The following GPC6 variants were observed in gnomAD, a reference collection of about 807,000 sequenced individuals.
GPC6 encodes the protein glypican 6, also known as glypican-6.
Under a neutral mutation model 55.2 loss-of-function variants are expected in GPC6, and 14 were observed. That is an observed-to-expected ratio of 0.25 (90% confidence interval 0.17 to 0.40). The LOEUF (loss-of-function observed/expected upper bound fraction) is 0.40, where lower values mean the gene tolerates loss of function less well. GPC6 is among the 10% of genes least tolerant of loss of function. The pLI is 1.00. For missense variants in GPC6, 641 were observed against 708.5 expected, an observed-to-expected ratio of 0.90 and a Z score of 1.08; for synonymous variants, 278 against 259.6, an observed-to-expected ratio of 1.07 and a Z score of -0.68.
Position 93,376,610 on chromosome 13 carries a change from C to T in GPC6, c.160+148994C>T, listed in dbSNP as rs994151103. On this transcript the variant is annotated intron_variant, in intron 1 of 8. Transcript: ENST00000377047. ...ACAGACAAGGCTTGAAAGAACAGAA[C>T]ACCCGACATGATTGTAAATGTTGGG... 2.0e-5 allele frequency among the ~76,000 whole-genome samples: 3 copies of T among 152,160 alleles called. No homozygotes were observed. In the South Asian group the frequency reaches 6.2e-4, roughly 32 times the overall value.
intron 4 of GPC6, among the ~76,000 whole-genome samples, chr13:94,091,116 A>C (rs1452891252): frequency 1.3e-5 from 2 of 152,160 alleles, no homozygotes; most frequent in East Asian, 3.9e-4. Flanking sequence ...AATGCTATGA[A>C]ATACTGAACA....
intron 3 of GPC6, among the ~76,000 whole-genome samples, chr13:94,012,981 T>TTTACA (rs1441964197): frequency 1.3e-5 from 2 of 152,186 alleles, no homozygotes; most frequent in Admixed American, 6.5e-5. Context: ...GGGATCTTGT[T>TTTACA]TTACATTCTG....
intron 2 of GPC6, among the ~76,000 whole-genome samples, chr13:93,754,082 A>G (rs1273097285): frequency 6.6e-6 from 1 of 152,158 alleles, no homozygotes; most frequent in African/African-American, 2.4e-5. Flanking sequence ...GGAAGCCAGC[A>G]TGCTCTGTTT....
At chr13:93,810,761 G>A (rs566084614) in intron 2 of GPC6, among the ~76,000 whole-genome samples, 5 of 152,188 alleles carry the variant, frequency 3.3e-5, no homozygotes, top group Non-Finnish European at 7.3e-5. Flanking sequence ...ATTAGCTGAT[G>A]CCTGGATCTG....
At chr13:93,725,505 G>C (rs1190235276) in intron 2 of GPC6, among the ~76,000 whole-genome samples, 2 of 151,960 alleles carry the variant, frequency 1.3e-5, no homozygotes, top group Non-Finnish European at 2.9e-5. Context: ...AGATTATAGA[G>C]CTTGAAATAA....
chr13:93,216,805 A>G, the GPC6 span, among the ~76,000 whole-genome samples: 2 of 152,222 alleles, frequency 1.3e-5, no homozygotes, highest in African/African-American at 4.8e-5. Context: ...AATTGGCAAG[A>G]CAAAATTTTC....
intron 2 of GPC6, among the ~76,000 whole-genome samples, chr13:93,552,761 C>G (rs1230206569): frequency 6.6e-6 from 1 of 152,150 alleles, no homozygotes; most frequent in Non-Finnish European, 1.5e-5. Context: ...ATTGCTCTAT[C>G]AGACTCTGAA....
intron 3 of GPC6, among the ~76,000 whole-genome samples, chr13:93,976,536 G>A (rs529401353): frequency 5.3e-5 from 8 of 151,668 alleles, no homozygotes; most frequent in South Asian, 4.2e-4. Context: ...AATGTATAAA[G>A]GGATGTTACA....
intron 2 of GPC6, among the ~76,000 whole-genome samples, chr13:93,677,660 C>A (rs1295970318): frequency 6.6e-6 from 1 of 152,038 alleles, no homozygotes; most frequent in South Asian, 2.1e-4. Context: ...CCACATAAAT[C>A]ACTTTTACTC....
At chr13:93,790,485 A>G (rs1417719488) in intron 2 of GPC6, among the ~76,000 whole-genome samples, 3 of 152,202 alleles carry the variant, frequency 2.0e-5, no homozygotes, top group Non-Finnish European at 4.4e-5. Context: ...TATCAGATTT[A>G]TTATTGGTAA....
At chr13:93,688,927 T>C (rs1882152411) in intron 2 of GPC6, among the ~76,000 whole-genome samples, 1 of 152,064 alleles carries the variant, frequency 6.6e-6, no homozygotes, top group Admixed American at 6.6e-5. Flanking sequence ...AATTTTATGT[T>C]AATTATATTT....
intron 2 of GPC6, among the ~76,000 whole-genome samples, chr13:93,563,969 G>C (rs1307553883): frequency 6.6e-6 from 1 of 151,882 alleles, no homozygotes; most frequent in Admixed American, 6.6e-5. Context: ...TGAGATTTTC[G>C]TGCACCCTTC....
intron 4 of GPC6, among the ~76,000 whole-genome samples, chr13:94,117,106 C>A (rs1012759521): frequency 1.3e-5 from 2 of 152,064 alleles, no homozygotes; most frequent in Non-Finnish European, 2.9e-5. Context: ...CCATAACAAT[C>A]ATTGTTCCTT....
At chr13:93,778,427 C>G (rs1466299685) in intron 2 of GPC6, among the ~76,000 whole-genome samples, 3 of 152,136 alleles carry the variant, frequency 2.0e-5, no homozygotes, top group Admixed American at 6.6e-5. Flanking sequence ...CACTCACTAA[C>G]TTGTTCAGCA....
At chr13:94,353,022 T>C (rs1008412617) in intron 6 of GPC6, among the ~76,000 whole-genome samples, 1 of 152,064 alleles carries the variant, frequency 6.6e-6, no homozygotes, top group Non-Finnish European at 1.5e-5. Context: ...CATGCAGAGG[T>C]GGTCTCTGCA....
rs369115127 is a variant in GPC6 at position 93,882,976 on chromosome 13, A to T, written c.711+52431A>T. ...TGTATTATTACGTCAATCTTACCAG[A>T]GGTTTTTAATTTTTTTCCAGGGCCT... On this transcript the variant is annotated intron_variant, in intron 3 of 8. Transcript: ENST00000377047. Among the ~76,000 whole-genome samples the T allele has an allele frequency of 5.5e-3, 818 of 149,424 alleles. 5 individuals are homozygous for T. The highest frequency in any genetic ancestry group is 0.018 in the East Asian group (92 of 5,024).
chr13:94,066,985 G>A (rs1390178357), intron 4 of GPC6, among the ~76,000 whole-genome samples: 3 of 152,074 alleles, frequency 2.0e-5, no homozygotes, highest in Non-Finnish European at 2.9e-5. Flanking sequence ...GCATCTTTGC[G>A]ATCACCAAAA....
At chr13:94,353,034 T>G (rs868825713) in intron 6 of GPC6, among the ~76,000 whole-genome samples, 7 of 152,296 alleles carry the variant, frequency 4.6e-5, no homozygotes, top group African/African-American at 4.8e-5. Context: ...GTCTCTGCAG[T>G]GCACCAAGAG....
rs559145144 is a variant in GPC6 at position 93,434,633 on chromosome 13, A to G, written c.161-110630A>G. Among the ~76,000 whole-genome samples the G allele has an allele frequency of 2.0e-4, 31 of 152,306 alleles. No individual in the cohort carries two copies. In the East Asian group the frequency reaches 2.1e-3, roughly 10 times the overall value. On this transcript the variant is annotated intron_variant, in intron 1 of 8. Transcript: ENST00000377047. ...CTGTGTGGTGGTAAAACTTACTGGCATATAATCTGTCTGTGTCCTGAGTCT... is the reference window on the plus strand; with the variant it reads ...CTGTGTGGTGGTAAAACTTACTGGCGTATAATCTGTCTGTGTCCTGAGTCT...
Sources: allele counts gnomAD v4.1 joint callset (sites outside exome capture counted in the v4.1 genomes callset), GRCh38; gene constraint gnomAD v4.1.1; transcripts MANE v1.5; gene names NCBI Gene and HGNC (gene_info 2026-07-23, HGNC 2026-07-21).